The following NUP153 variants were observed in gnomAD, a reference collection of about 807,000 sequenced individuals.
NUP153 encodes nuclear pore complex protein Nup153.
In NUP153, 27 loss-of-function variants were observed where a neutral mutation model predicts 134.6. The ratio of observed to expected loss-of-function variants is 0.20; its 90% CI spans 0.15 to 0.28. The LOEUF (loss-of-function observed/expected upper bound fraction) is 0.28, where lower values mean the gene tolerates loss of function less well. Among genes scored for constraint, NUP153 ranks in the 10% least tolerant of loss-of-function variants. NUP153 has a pLI of 1.00. For synonymous variants in NUP153, 640 were observed against 623.5 expected, an observed-to-expected ratio of 1.03 and a Z score of -0.40; for missense variants, 1,821 against 1,731.3, an observed-to-expected ratio of 1.05 and a Z score of -0.92.
chr6:17,705,940 T>C (rs1770459434), intron 1 of NUP153, among the ~76,000 whole-genome samples: 2 of 152,070 alleles, frequency 1.3e-5, no homozygotes, highest in African/African-American at 4.8e-5. Flanking sequence ...ACATGAGTAA[T>C]ACCCTCAAAT....
chr6:17,619,403 C>A (rs949894578), intron 20 of NUP153: 1 of 152,112 alleles, frequency 6.6e-6, no homozygotes, highest in Non-Finnish European at 1.5e-5. Context: ...AAACGGGTTC[C>A]TCTACGAAGC....
rs895201506 is a variant in NUP153, at chr6:17,636,071, C to T, written c.2464+1082G>A. ...ATTCTAGGCCGGGCATGGTGGCTCACGCCTGTAATCCCAGCACTTTGGAAG... is the reference window on the plus strand; with the variant it reads ...ATTCTAGGCCGGGCATGGTGGCTCATGCCTGTAATCCCAGCACTTTGGAAG... On this transcript the variant is annotated intron_variant, in intron 16 of 21. Transcript: ENST00000262077. Among the ~76,000 whole-genome samples, 8 of 152,282 alleles carry T rather than the reference C, an allele frequency of 5.3e-5. No individual in the cohort carries two copies. In the East Asian group the frequency reaches 5.8e-4, roughly 11 times the overall value.
intron 2 of NUP153, among the ~76,000 whole-genome samples, chr6:17,685,212 G>C (rs567012522): frequency 2.0e-5 from 3 of 152,066 alleles, no homozygotes; most frequent in Non-Finnish European, 4.4e-5. Flanking sequence ...TCCAGAATCT[G>C]ACACTACTTC....
intron 12 of NUP153, among the ~76,000 whole-genome samples, chr6:17,648,772 T>C (rs979142883): frequency 6.6e-6 from 1 of 151,048 alleles, no homozygotes; most frequent in Non-Finnish European, 1.5e-5. Flanking sequence ...CACTGCTCTC[T>C]AGCCTCGGCA....
intron 1 of NUP153, among the ~76,000 whole-genome samples, chr6:17,700,807 T>G (rs9396792): frequency 0.98 from 150,053 of 152,354 alleles, 73,927 homozygotes; most frequent in Middle Eastern, 1. Flanking sequence ...CTAAAGGACT[T>G]TTAAAAACAA....
Position 17,669,514 on chromosome 6 carries a change from T to C in NUP153, c.885A>G (p.Gln295=), listed in dbSNP as rs778253520. ...TCACACCGTAAGATTGTGCACTGAG[T>C]TGCTTAGCTTTCATTTGTCTTCTAA... ...APVRRQMKAK[Q]LSAQSYGVTS... is the part of the protein sequence containing the mutation. Residue 295 remains glutamine, a synonymous_variant, in exon 6 of 22, where the codon CAA becomes CAG. Transcript: ENST00000262077. 5 of 1,613,938 alleles carry C rather than the reference T, an allele frequency of 3.1e-6. No individual in the cohort carries two copies. The highest frequency in any genetic ancestry group is 1.1e-5 in the South Asian group (1 of 91,084).
At chr6:17,650,805 C>T (rs1252675073) in intron 11 of NUP153, among the ~76,000 whole-genome samples, 2 of 152,064 alleles carry the variant, frequency 1.3e-5, no homozygotes, top group Non-Finnish European at 2.9e-5. Context: ...GCAAAAAGTA[C>T]ACATTGAATT....
At position 17,643,322 on chromosome 6, in the gene NUP153, A is replaced by T. The variant is rs539963966; in HGVS notation, c.1720+2745T>A. Among the ~76,000 whole-genome samples the T allele has an allele frequency of 2.0e-5, 3 of 152,296 alleles. No individual in the cohort carries two copies. The South Asian group carries it at 6.2e-4, about 32-fold the overall frequency. On this transcript the variant is annotated intron_variant, in intron 14 of 21. Coordinates refer to ENST00000262077, the MANE Select transcript of NUP153 (RefSeq NM_005124.4). ...CCCCTTCTCTACTAAAAATACAAAA[A>T]TTAGCCAGGCATGGTGGCAGGTGCC... is the stretch of plus-strand genomic sequence containing the variant.
At chr6:17,660,681 T>C (rs1344807941) in intron 11 of NUP153, among the ~76,000 whole-genome samples, 1 of 152,008 alleles carries the variant, frequency 6.6e-6, no homozygotes, top group Non-Finnish European at 1.5e-5. Context: ...CACAAAAGGA[T>C]GCCCCAAGAT....
chr6:17,645,171 A>C (rs1417550959), intron 14 of NUP153, among the ~76,000 whole-genome samples: 2 of 149,808 alleles, frequency 1.3e-5, no homozygotes, highest in Admixed American at 6.7e-5. Flanking sequence ...TGAATTCGGG[A>C]GGCAGAGGTT....
intron 17 of NUP153, among the ~76,000 whole-genome samples, chr6:17,630,726 C>A (rs1326251293): frequency 1.1e-5 from 1 of 93,702 alleles, no homozygotes; most frequent in African/African-American, 4.3e-5. Context: ...GGAGGGGAGA[C>A]AAGAGGGGAG....
chr6:17,685,391 C>CA lies in NUP153; in HGVS notation c.334+3004dup, dbSNP rs906304781. Among the ~76,000 whole-genome samples, 50 of 149,828 alleles carry CA rather than the reference C, an allele frequency of 3.3e-4. 1 individual carries two copies. In the South Asian group the frequency reaches 5.1e-3, roughly 15 times the overall value. On this transcript the variant is annotated intron_variant, in intron 2 of 21. Coordinates refer to ENST00000262077, the MANE Select transcript of NUP153 (RefSeq NM_005124.4). ...AGAAACCCCGTCTTTACTAAAAATA[C>CA]AAAAAAAAATAGCTGGGCCTGGTGG...
intron 2 of NUP153, among the ~76,000 whole-genome samples, chr6:17,687,968 A>T (rs1312999236): frequency 6.6e-6 from 1 of 151,976 alleles, no homozygotes; most frequent in Non-Finnish European, 1.5e-5. Flanking sequence ...CCAAAAAAAA[A>T]ATTAGCTAGG....
At chr6:17,702,001 A>G (rs1260081327) in intron 1 of NUP153, among the ~76,000 whole-genome samples, 11 of 151,926 alleles carry the variant, frequency 7.2e-5, no homozygotes, top group Admixed American at 7.2e-4. Context: ...GGGCAAAAAT[A>G]AGTGGTTTCC....
chr6:17,637,531 C>T lies in NUP153; in HGVS notation c.2086G>A (p.Gly696Arg). Residue 696 changes from glycine to arginine, a missense_variant, in exon 16 of 22, where the codon GGA (glycine) becomes AGA (arginine). Coordinates refer to ENST00000262077, the MANE Select transcript of NUP153 (RefSeq NM_005124.4). ...CCACTTTTATTTGGTGTTTCAATTC[C>T]AGTCTGTTTAGCAGTATCTCTGGGT... ...LSPRDTAKQTGIETPNKSGKT... is the reference protein window; with the variant it reads ...LSPRDTAKQTRIETPNKSGKT... 3 of 1,614,186 alleles carry T rather than the reference C, an allele frequency of 1.9e-6. No homozygotes were observed. Among genetic ancestry groups the T allele is most frequent in the Non-Finnish European group, 2.5e-6 (3 of 1,180,030 alleles).
At chr6:17,660,770 G>A (rs572912821) in intron 11 of NUP153, among the ~76,000 whole-genome samples, 2 of 152,184 alleles carry the variant, frequency 1.3e-5, no homozygotes, top group East Asian at 3.9e-4. Flanking sequence ...TAATACAGCA[G>A]AAGATGTGGA....
rs899888582 is a variant in NUP153 at position 17,706,585 on chromosome 6, G to A, written c.-198C>T. 1 of 582,082 alleles carries A rather than the reference G, an allele frequency of 1.7e-6. No individual in the cohort carries two copies. Among genetic ancestry groups the A allele is most frequent in the Non-Finnish European group, 3.0e-6 (1 of 330,272 alleles). 36.1% of individuals were successfully genotyped at this position (582,082 alleles called of 1,614,324 possible). A position where few individuals can be genotyped will look rare whatever the true frequency, so the allele number is the denominator to read the frequency against. ...AGAGAGGGTGAGTGCTGGCAGCGGG[G>A]AAGGGGGTGGCGGCCGCAGAGGCCG... On this transcript the variant is annotated 5_prime_UTR_variant, in exon 1 of 22. Transcript: ENST00000262077. This position sits in a 1 kb window ranked among gnomAD's most constrained non-coding sequence, Gnocchi z 5.9.
chr6:17,702,149 G>A (rs964552934), intron 1 of NUP153, among the ~76,000 whole-genome samples: 3 of 152,106 alleles, frequency 2.0e-5, no homozygotes, highest in African/African-American at 7.2e-5. Context: ...AAAAGGAAAT[G>A]GAAAAGGAAG....
chr6:17,691,490 C>T (rs536536871), intron 1 of NUP153, among the ~76,000 whole-genome samples: 32 of 152,250 alleles, frequency 2.1e-4, no homozygotes, highest in Admixed American at 2.0e-4. Context: ...TAAGGCTGGG[C>T]GTGGTGGCTC....
Sources: allele counts gnomAD v4.1 joint callset (sites outside exome capture counted in the v4.1 genomes callset), GRCh38; gene constraint gnomAD v4.1.1; non-coding constraint Gnocchi (gnomAD v3.1); transcripts MANE v1.5; gene names NCBI Gene and HGNC (gene_info 2026-07-23, HGNC 2026-07-21).